Variants in EMID1 observed in about 807,000 individuals in gnomAD.
EMID1 encodes EMI domain containing 1.
EMID1 carries 40 observed loss-of-function variants against 60.6 expected under a neutral mutation model. That is an observed-to-expected ratio of 0.66 (90% confidence interval 0.51 to 0.86). EMID1 has a LOEUF of 0.86. Among genes scored for constraint, EMID1 ranks in the 40% least tolerant of loss-of-function variants. EMID1 has a pLI of 0.00. For synonymous variants in EMID1, 242 were observed against 231.0 expected (o/e 1.05, Z -0.43); for missense variants, 585 against 597.1 (o/e 0.98, Z 0.21).
intron 14 of EMID1, among the ~76,000 whole-genome samples, chr22:29,256,761 G>A (rs185405504): frequency 9.1e-4 from 139 of 152,232 alleles, no homozygotes; most frequent in Middle Eastern, 6.8e-3. Flanking sequence ...GGGACTCTGC[G>A]TTGCGTCCTG....
rs9537 is a variant in EMID1, at chr22:29,259,427, C to T, written c.*483C>T. The T allele has an allele frequency of 0.29, 49,442 of 168,598 alleles. 8,507 individuals carry two copies. Among genetic ancestry groups the T allele is most frequent in the African/African-American group, 0.47 (19,615 of 41,614 alleles). The allele number at this position is 168,598 out of a possible 1,614,324, so 10.4% of individuals were successfully genotyped here. A position where few individuals can be genotyped will look rare whatever the true frequency, so the allele number is the denominator to read the frequency against. On this transcript the variant is annotated 3_prime_UTR_variant, in exon 15 of 15. Coordinates refer to ENST00000334018, the MANE Select transcript of EMID1 (RefSeq NM_133455.4). The stretch of plus-strand genomic sequence containing the variant: ...CTGCCCAATCCTCTGACTGGATCAC[C>T]GGGGGCTTCTTGCCTCAGTTCTTCC...
chr22:29,220,750 C>T (rs1414899151), intron 3 of EMID1, among the ~76,000 whole-genome samples: 6 of 152,092 alleles, frequency 3.9e-5, no homozygotes, highest in Non-Finnish European at 5.9e-5. Context: ...AAGGACAGAG[C>T]GGAAGCCTCT....
intron 5 of EMID1, among the ~76,000 whole-genome samples, chr22:29,230,336 GAAA>G (rs35728607): frequency 6.1e-5 from 9 of 147,400 alleles, no homozygotes; most frequent in East Asian, 4.1e-4. Context: ...CTCCATCTTG[GAAA>G]AAAAAAAAAC....
At chr22:29,226,874 A>G (rs1380045732) in intron 5 of EMID1, among the ~76,000 whole-genome samples, 1 of 152,132 alleles carries the variant, frequency 6.6e-6, no homozygotes, top group African/African-American at 2.4e-5. Context: ...TTCTTCCTCC[A>G]GGAGGCCTGT....
rs767787973 is a variant in EMID1, at chr22:29,234,319, G to T, written c.1044G>T (p.Glu348Asp). ...CTCTTACACAGGGACTGCGTGGGGA[G>T]CCTGGCCCCCAAGGCTCTGCTGGGC... ...GEKGERGLRG[E>D]PGPQGSAGQR... The change falls in exon 12 of 15, where the codon GAG (glutamate) becomes GAT (aspartate). Residue 348 changes from glutamate to aspartate, a missense_variant. Transcript: ENST00000334018. The T allele has an allele frequency of 1.7e-5, 27 of 1,614,012 alleles. No homozygotes were observed. Among genetic ancestry groups the T allele is most frequent in the Non-Finnish European group, 2.0e-5 (24 of 1,180,020 alleles).
At chr22:29,224,280 C>G (rs988858608) in intron 3 of EMID1, among the ~76,000 whole-genome samples, 1 of 152,248 alleles carries the variant, frequency 6.6e-6, no homozygotes, top group Admixed American at 6.5e-5. Context: ...GGTCTTGTCT[C>G]CTCCCAGACA....
At chr22:29,211,511 CTG>C (rs762116972) in intron 1 of EMID1, among the ~76,000 whole-genome samples, 38 of 150,048 alleles carry the variant, frequency 2.5e-4, no homozygotes, top group Non-Finnish European at 4.4e-4. Flanking sequence ...GTGCGTGTAT[CTG>C]TGTGTTTGTG....
At chr22:29,250,307 G>A (rs568433927) in intron 13 of EMID1, among the ~76,000 whole-genome samples, 18 of 152,282 alleles carry the variant, frequency 1.2e-4, no homozygotes, top group South Asian at 2.1e-4. Flanking sequence ...CACACACTGC[G>A]TTTGGTTGTC....
At chr22:29,232,518 C>A in intron 8 of EMID1, 116 bp downstream of exon 8, 1 of 1,183,300 alleles carries the variant, frequency 8.5e-7, no homozygotes, top group Non-Finnish European at 1.2e-6. Flanking sequence ...CGATAGGCCA[C>A]ATGTGACCCA....
At chr22:29,228,420 G>A (rs1389572118) in intron 5 of EMID1, among the ~76,000 whole-genome samples, 5 of 152,078 alleles carry the variant, frequency 3.3e-5, no homozygotes, top group Admixed American at 2.6e-4. Context: ...TGAAAAAACA[G>A]CCAGCAAACC....
chr22:29,232,426 A>G (rs766801220), intron 8 of EMID1, 24 bp downstream of exon 8: 1 of 1,531,642 alleles, frequency 6.5e-7, no homozygotes, highest in South Asian at 1.3e-5. Flanking sequence ...GGATCCCAGC[A>G]GGTGGAGGTG....
At position 29,224,379 on chromosome 22, in the gene EMID1, C is replaced by A. The variant is rs573682912; in HGVS notation, c.320-754C>A. On this transcript the variant is annotated intron_variant, in intron 3 of 14. Transcript: ENST00000334018. ...CACAGCCTCTCCAGCTATGCCCCCG[C>A]CCCTGGTTTGGCCAGTCCATCCCTC... Among the ~76,000 whole-genome samples, 1,032 of 152,308 alleles carry A rather than the reference C, an allele frequency of 6.8e-3. 6 individuals are homozygous for A. Among genetic ancestry groups the A allele is most frequent in the Non-Finnish European group, 0.012 (794 of 68,008 alleles).
intron 14 of EMID1, among the ~76,000 whole-genome samples, chr22:29,256,737 G>T (rs180746541): frequency 3.9e-5 from 6 of 152,240 alleles, no homozygotes; most frequent in Admixed American, 1.3e-4. Context: ...GTTGGAGAAG[G>T]CTTCTTGGAA....
At chr22:29,216,194 C>T in intron 3 of EMID1, 5 of 532,154 alleles carry the variant, frequency 9.4e-6, no homozygotes, top group Non-Finnish European at 1.2e-5. Flanking sequence ...TCTCACCCCA[C>T]CTGGCTTCAC....
At chr22:29,256,199 A>G (rs576988561) in intron 14 of EMID1, among the ~76,000 whole-genome samples, 6 of 152,118 alleles carry the variant, frequency 3.9e-5, no homozygotes, top group Non-Finnish European at 5.9e-5. Context: ...GAGGCCGGTC[A>G]TGTTAGCTCA....
At chr22:29,239,799 C>T (rs533520051) in intron 12 of EMID1, among the ~76,000 whole-genome samples, 1 of 151,248 alleles carries the variant, frequency 6.6e-6, no homozygotes, top group South Asian at 2.1e-4. Context: ...ACTCTGTCTC[C>T]CAGGCACTGG....
chr22:29,213,544 CTTCTGGTG>C (rs2039971971), intron 1 of EMID1, among the ~76,000 whole-genome samples: 2 of 152,154 alleles, frequency 1.3e-5, no homozygotes, highest in Admixed American at 6.6e-5. Context: ...GGAGTTTCTC[CTTCTGGTG>C]GTCTGGGGTG....
At position 29,209,137 on chromosome 22, in the gene EMID1, G is replaced by A. The variant is rs900781051; in HGVS notation, c.101+2998G>A. On this transcript the variant is annotated intron_variant, in intron 1 of 14. Transcript: ENST00000334018. ...CCCGCTTGGCTGCCTCCTGCAATTA[G>A]CCCCTATCACTGTTCCGGATCGCAG... 2.2e-4 allele frequency among the ~76,000 whole-genome samples: 34 copies of A among 152,248 alleles called. 1 individual carries two copies. The highest frequency in any genetic ancestry group is 7.9e-4 in the Admixed American group (12 of 15,284).
chr22:29,256,715 T>G lies in EMID1; in HGVS notation c.1205-2102T>G, dbSNP rs1045493540. Among the ~76,000 whole-genome samples the G allele has an allele frequency of 3.3e-5, 5 of 152,066 alleles. No individual in the cohort carries two copies. In the South Asian group the frequency reaches 1.0e-3, roughly 32 times the overall value. On this transcript the variant is annotated intron_variant, in intron 14 of 14. Transcript: ENST00000334018. Reference sequence around the variant, plus strand: ...AAGGATATGGATGAGGAAGAGTCACTTGTCCCTAGGGGTTGGAGAAGGCTT... The same window carrying G: ...AAGGATATGGATGAGGAAGAGTCACGTGTCCCTAGGGGTTGGAGAAGGCTT...
Sources: gnomAD v4.1 joint callset for allele counts (sites outside exome capture counted in the v4.1 genomes callset) on GRCh38, gnomAD v4.1.1 for gene constraint, MANE v1.5 for transcripts, NCBI Gene and HGNC (gene_info 2026-07-23, HGNC 2026-07-21) for gene names.